NAT1: variants seen among roughly 807,000 people sequenced by gnomAD.
NAT1 encodes the protein arylamine N-acetyltransferase 1.
For missense variants in NAT1, 400 were observed against 339.2 expected (o/e 1.18, Z -1.41); for synonymous variants, 144 against 122.6 (o/e 1.17, Z -1.16).
At chr8:18,179,079 G>A (rs1802406800) in intron 2 of NAT1, among the ~76,000 whole-genome samples, 2 of 151,790 alleles carry the variant, frequency 1.3e-5, no homozygotes, top group East Asian at 1.9e-4. Flanking sequence ...CTTCTCTCTT[G>A]TCCTCTTCCT....
upstream of NAT1, among the ~76,000 whole-genome samples, chr8:18,208,340 T>C (rs1463600663): frequency 6.6e-6 from 1 of 151,942 alleles, no homozygotes; most frequent in African/African-American, 2.4e-5. Flanking sequence ...AAGGAAAAAG[T>C]AAAATTTTTT....
chr8:18,222,549 C>T lies in NAT1; in HGVS notation c.502C>T (p.Gln168Ter). The change falls in exon 3 of 3, where the codon CAG (glutamine) becomes TAG (stop). Residue 168 changes from glutamine (Q) to a stop codon, truncating the protein, a stop_gained. Transcript: ENST00000307719. LOFTEE classifies it low-confidence loss of function (END_TRUNC). Reference protein sequence around the residue: ...FWYLDQIRREQYIPNEEFLHS... With the variant: ...FWYLDQIRRE ...GTATCTAGACCAAATCAGAAGGGAA[C>T]AGTACATTCCAAATGAAGAATTTCT... The T allele has an allele frequency of 6.2e-7, 1 of 1,614,086 alleles. No homozygotes were observed. The highest frequency in any genetic ancestry group is 8.5e-7 in the Non-Finnish European group (1 of 1,179,986).
At position 18,223,677 on chromosome 8, in the gene NAT1, G is replaced by C. The variant is rs566070197; in HGVS notation, c.*757G>C. 6.1e-6 allele frequency: 1 copy of C among 162,634 alleles called. No individual in the cohort carries two copies. Among genetic ancestry groups the C allele is most frequent in the Non-Finnish European group, 1.5e-5 (1 of 67,676 alleles). 10.1% of individuals were successfully genotyped at this position (162,634 alleles called of 1,614,324 possible). On this transcript the variant is annotated 3_prime_UTR_variant, in exon 3 of 3. Coordinates refer to ENST00000307719, the MANE Select transcript of NAT1 (RefSeq NM_000662.8). ...TTAATAAAAGTTATTGTTCCATCTT[G>C]CTTGCCCCCCCACCCCTGTCATCTG...
At chr8:18,188,102 T>G (rs963505332) in intron 2 of NAT1, among the ~76,000 whole-genome samples, 1 of 152,182 alleles carries the variant, frequency 6.6e-6, no homozygotes, top group African/African-American at 2.4e-5. Context: ...GAAATTAATA[T>G]ACTTTTACTC....
chr8:18,216,847 C>T, intron 1 of NAT1: 1 of 1,379,380 alleles, frequency 7.2e-7, no homozygotes, highest in Non-Finnish European at 1.0e-6. Context: ...AGGGGGAACT[C>T]ATAAGAACTC....
intron 2 of NAT1, among the ~76,000 whole-genome samples, chr8:18,220,947 A>G (rs923267693): frequency 2.0e-5 from 3 of 152,206 alleles, no homozygotes; most frequent in Admixed American, 6.5e-5. Context: ...CAATATGGGC[A>G]GCCTGTTCTC....
intron 1 of NAT1, among the ~76,000 whole-genome samples, chr8:18,210,561 CA>C (rs1286623051): frequency 5.3e-5 from 8 of 152,214 alleles, no homozygotes; most frequent in African/African-American, 1.9e-4. Flanking sequence ...GCAACTTTCT[CA>C]ACAGGATTTC....
At chr8:18,187,626 C>T (rs1802793403) in intron 2 of NAT1, among the ~76,000 whole-genome samples, 1 of 151,868 alleles carries the variant, frequency 6.6e-6, no homozygotes, top group Non-Finnish European at 1.5e-5. Flanking sequence ...TACAGCTGTT[C>T]CCACTTATAA....
chr8:18,190,165 G>A (rs1300728277), intron 2 of NAT1, among the ~76,000 whole-genome samples: 8 of 152,186 alleles, frequency 5.3e-5, no homozygotes. Flanking sequence ...TGAGTGAGAT[G>A]ATCTTAATCC....
intron 2 of NAT1, among the ~76,000 whole-genome samples, chr8:18,193,744 C>T (rs774244123): frequency 1.4e-5 from 2 of 144,222 alleles, no homozygotes; most frequent in Non-Finnish European, 3.0e-5. Context: ...TGGGTTCAAG[C>T]GATTCTCCTG....
intron 2 of NAT1, among the ~76,000 whole-genome samples, chr8:18,183,754 A>T (rs149121787): frequency 8.5e-5 from 13 of 152,326 alleles, no homozygotes; most frequent in Admixed American, 7.8e-4. Context: ...CAGGATAGAC[A>T]TTCCTATTCT....
rs1282380056 is a variant in NAT1, at chr8:18,219,559, T to C, written c.-7+70T>C. On this transcript the variant is annotated intron_variant, in intron 2 of 2. Transcript: ENST00000307719. ...CGTTCACTCTGCCTCCTTTAAGTCT[T>C]ATATTTATGATCAAGATGAAAGGGA... is the stretch of plus-strand genomic sequence containing the variant. 3.8e-5 allele frequency: 30 copies of C among 782,054 alleles called. 1 individual carries two copies. Among genetic ancestry groups the C allele is most frequent in the Non-Finnish European group, 6.1e-5 (29 of 477,948 alleles). The allele number at this position is 782,054 out of a possible 1,614,324, so 48.4% of individuals were successfully genotyped here.
Position 18,222,687 on chromosome 8 carries a change from T to C in NAT1, c.640T>C (p.Ser214Pro). The C allele has an allele frequency of 6.2e-7, 1 of 1,614,012 alleles. No individual in the cohort carries two copies. The highest frequency in any genetic ancestry group is 1.3e-5 in the African/African-American group (1 of 75,026). The change falls in exon 3 of 3, where the codon TCA (serine) becomes CCA (proline). Residue 214 changes from serine (S) to proline (P), a missense_variant. By Grantham distance (74) the Ser-to-Pro change is moderately conservative. Coordinates refer to ENST00000307719, the MANE Select transcript of NAT1 (RefSeq NM_000662.8). Reference protein sequence around the residue: ...SMNTYLQTSPSSVFTSKSFCS... With the variant: ...SMNTYLQTSPPSVFTSKSFCS... ...GAATACATACCTGCAGACATCTCCA[T>C]CATCTGTGTTTACTAGTAAATCATT...
Position 18,222,940 on chromosome 8 carries a change from T to A in NAT1, c.*20T>A. The A allele has an allele frequency of 1.3e-6, 2 of 1,514,904 alleles. No individual in the cohort carries two copies. The highest frequency in any genetic ancestry group is 1.8e-6 in the Non-Finnish European group (2 of 1,136,802). The allele number at this position is 1,514,904 out of a possible 1,614,324, so 93.8% of individuals were successfully genotyped here. A position where few individuals can be genotyped will look rare whatever the true frequency, so the allele number is the denominator to read the frequency against. ...ATTTAGAATAAGGAGTAAAACAATC[T>A]TGTCTATTTGTCATCCAGCTCACCA... On this transcript the variant is annotated 3_prime_UTR_variant, in exon 3 of 3. Coordinates refer to ENST00000307719, the MANE Select transcript of NAT1 (RefSeq NM_000662.8).
intron 2 of NAT1, among the ~76,000 whole-genome samples, chr8:18,174,562 A>G (rs1482279629): frequency 2.0e-5 from 3 of 152,132 alleles, no homozygotes; most frequent in African/African-American, 4.8e-5. Context: ...CATTTTCTCC[A>G]TCATAATGGA....
chr8:18,186,708 C>A (rs1253905646), intron 2 of NAT1, among the ~76,000 whole-genome samples: 1 of 152,002 alleles, frequency 6.6e-6, no homozygotes, highest in Non-Finnish European at 1.5e-5. Context: ...TTTTTCCTGT[C>A]TTATCATCCT....
At chr8:18,220,657 G>A (rs556742557) in intron 2 of NAT1, among the ~76,000 whole-genome samples, 1 of 149,724 alleles carries the variant, frequency 6.7e-6, no homozygotes, top group East Asian at 1.9e-4. Flanking sequence ...TTCATCTCTT[G>A]GTAAACTTGG....
chr8:18,183,924 A>G (rs974171102), intron 2 of NAT1, among the ~76,000 whole-genome samples: 7 of 152,116 alleles, frequency 4.6e-5, no homozygotes, highest in African/African-American at 1.7e-4. Context: ...CCCTGCCCCT[A>G]TGACTTTGCT....
upstream of NAT1, among the ~76,000 whole-genome samples, chr8:18,206,929 A>T (rs544752207): frequency 6.6e-6 from 1 of 152,048 alleles, no homozygotes; most frequent in Non-Finnish European, 1.5e-5. Flanking sequence ...TGATGTTTTC[A>T]TCATGAAATC....
Sources: gnomAD v4.1 joint callset for allele counts (sites outside exome capture counted in the v4.1 genomes callset) on GRCh38, gnomAD v4.1.1 for gene constraint, MANE v1.5 for transcripts, NCBI Gene and HGNC (gene_info 2026-07-23, HGNC 2026-07-21) for gene names.